Variants in CTNNA3 observed in about 807,000 individuals in gnomAD.
CTNNA3 encodes catenin alpha-3.
Under a neutral mutation model 95.7 loss-of-function variants are expected in CTNNA3, and 76 were observed. The ratio of observed to expected loss-of-function variants is 0.79; its 90% CI spans 0.66 to 0.96. CTNNA3 has a LOEUF of 0.96. Among genes scored for constraint, CTNNA3 ranks in the 40% least tolerant of loss-of-function variants. The probability of loss-of-function intolerance (pLI) is 0.00; values close to 1 mark genes in which losing one functional copy is unlikely to be tolerated. For missense variants in CTNNA3, 1,191 were observed against 1,089.8 expected, an observed-to-expected ratio of 1.09 and a Z score of -1.31; for synonymous variants, 431 against 374.4, an observed-to-expected ratio of 1.15 and a Z score of -1.74.
intron 12 of CTNNA3, among the ~76,000 whole-genome samples, chr10:66,337,239 G>T (rs930481496): frequency 6.6e-6 from 1 of 152,016 alleles, no homozygotes; most frequent in Admixed American, 6.6e-5. Flanking sequence ...AATTTAATCT[G>T]CATACGAAGG....
At chr10:67,432,694 T>G (rs995978537) in intron 5 of CTNNA3, among the ~76,000 whole-genome samples, 7 of 152,078 alleles carry the variant, frequency 4.6e-5, no homozygotes, top group Admixed American at 4.6e-4. Context: ...CATGAGATCC[T>G]TATAATGTGA....
At chr10:66,194,016 A>C (rs1181711838) in intron 13 of CTNNA3, among the ~76,000 whole-genome samples, 6 of 152,158 alleles carry the variant, frequency 3.9e-5, no homozygotes, top group Non-Finnish European at 7.3e-5. Flanking sequence ...ATGTAAATTT[A>C]AACATAGCAT....
At chr10:67,469,327 A>G (rs1267154077) in intron 5 of CTNNA3, among the ~76,000 whole-genome samples, 1 of 152,208 alleles carries the variant, frequency 6.6e-6, no homozygotes, top group Non-Finnish European at 1.5e-5. Flanking sequence ...TCTCTTATGA[A>G]GGACACATAA....
intron 16 of CTNNA3, among the ~76,000 whole-genome samples, chr10:65,974,741 A>G (rs970537772): frequency 6.7e-6 from 1 of 150,346 alleles, no homozygotes; most frequent in African/African-American, 2.5e-5. Context: ...TATTTTTTAG[A>G]TGCATTAAAG....
At chr10:66,029,562 C>T (rs1284623389) in intron 15 of CTNNA3, among the ~76,000 whole-genome samples, 1 of 152,122 alleles carries the variant, frequency 6.6e-6, no homozygotes, top group African/African-American at 2.4e-5. Context: ...AAATTATAAC[C>T]TACAACCAGC....
intron 7 of CTNNA3, among the ~76,000 whole-genome samples, chr10:66,995,145 C>T (rs777962704): frequency 2.2e-4 from 34 of 152,282 alleles, no homozygotes; most frequent in Middle Eastern, 6.8e-3. Context: ...AGAAATAATG[C>T]ACATTCCATA....
chr10:66,436,157 T>C (rs1311603731), intron 11 of CTNNA3, among the ~76,000 whole-genome samples: 1 of 152,178 alleles, frequency 6.6e-6, no homozygotes, highest in African/African-American at 2.4e-5. Flanking sequence ...TTCTGTTGAT[T>C]TGAGGTGGAG....
chr10:66,370,428 A>T (rs990972780), intron 12 of CTNNA3, among the ~76,000 whole-genome samples: 1 of 152,206 alleles, frequency 6.6e-6, no homozygotes, highest in African/African-American at 2.4e-5. Context: ...TTTTAAAAAC[A>T]TACACTATGT....
At chr10:66,686,426 G>C (rs373148422) in intron 9 of CTNNA3, among the ~76,000 whole-genome samples, 1 of 152,240 alleles carries the variant, frequency 6.6e-6, no homozygotes. Flanking sequence ...TTGCACTACT[G>C]CACCTCTGCC....
chr10:66,580,735 GGAA>G (rs1244978324), intron 10 of CTNNA3, among the ~76,000 whole-genome samples: 2 of 151,786 alleles, frequency 1.3e-5, no homozygotes, highest in African/African-American at 4.8e-5. Context: ...CTTTGGCAGA[GGAA>G]GAAGAGGGTT....
chr10:66,380,184 T>C (rs1028597174), intron 11 of CTNNA3, among the ~76,000 whole-genome samples: 5 of 147,036 alleles, frequency 3.4e-5, no homozygotes, highest in African/African-American at 1.4e-4. Flanking sequence ...TCTCACTCTC[T>C]CTGTCTGTGT....
intron 10 of CTNNA3, among the ~76,000 whole-genome samples, chr10:66,526,335 A>G (rs1841259045): frequency 6.6e-6 from 1 of 151,930 alleles, no homozygotes; most frequent in African/African-American, 2.4e-5. Context: ...ACAAATGCGC[A>G]CCACCACACC....
At chr10:67,526,348 G>A (rs1212290429) in intron 4 of CTNNA3, among the ~76,000 whole-genome samples, 14 of 131,428 alleles carry the variant, frequency 1.1e-4, no homozygotes. Flanking sequence ...TATCTCAAAT[G>A]ATTTTTTTTT....
At chr10:66,686,228 A>G (rs1847291784) in intron 9 of CTNNA3, among the ~76,000 whole-genome samples, 1 of 152,176 alleles carries the variant, frequency 6.6e-6, no homozygotes, top group Admixed American at 6.5e-5. Flanking sequence ...TTCTTGAGGT[A>G]TATGTAGTAA....
rs1843390540 is a variant in CTNNA3, at chr10:67,609,504, A to G, written c.100-2455T>C. On this transcript the variant is annotated intron_variant, in intron 2 of 17. Transcript: ENST00000433211. ...AAATATGCGGATGAAAATCATTTTCATCTGCCCTCCTACCCTCCTCCCCTT... is the reference window on the plus strand; with the variant it reads ...AAATATGCGGATGAAAATCATTTTCGTCTGCCCTCCTACCCTCCTCCCCTT... Among the ~76,000 whole-genome samples the G allele has an allele frequency of 2.6e-5, 4 of 152,122 alleles. 1 individual carries two copies. The South Asian group carries it at 8.3e-4, about 32-fold the overall frequency.
At chr10:66,109,336 A>AT (rs1260311105) in intron 13 of CTNNA3, among the ~76,000 whole-genome samples, 1 of 152,170 alleles carries the variant, frequency 6.6e-6, no homozygotes, top group Non-Finnish European at 1.5e-5. Context: ...CAGTCTTAGC[A>AT]TTGTTGACGT....
chr10:66,542,818 C>T (rs1841903990), intron 10 of CTNNA3, among the ~76,000 whole-genome samples: 1 of 151,838 alleles, frequency 6.6e-6, no homozygotes, highest in Admixed American at 6.6e-5. Context: ...AGCACACCAA[C>T]ATGGCACATG....
chr10:67,561,693 TC>T (rs1841514255), intron 3 of CTNNA3, among the ~76,000 whole-genome samples: 1 of 151,340 alleles, frequency 6.6e-6, no homozygotes, highest in Non-Finnish European at 1.5e-5. Context: ...AATCAATGAA[TC>T]CAGGAGCTGG....
chr10:67,298,833 T>C (rs970856847), intron 5 of CTNNA3, among the ~76,000 whole-genome samples: 6 of 152,134 alleles, frequency 3.9e-5, no homozygotes, highest in Non-Finnish European at 5.9e-5. Context: ...TCTGCAAAAA[T>C]ATACTCTCAT....
Sources: allele counts gnomAD v4.1 joint callset (sites outside exome capture counted in the v4.1 genomes callset), GRCh38; gene constraint gnomAD v4.1.1; transcripts MANE v1.5; gene names NCBI Gene and HGNC (gene_info 2026-07-23, HGNC 2026-07-21).